Variants in ADAMDEC1 observed in about 807,000 individuals in gnomAD.
The protein encoded by ADAMDEC1 is ADAM DEC1.
ADAMDEC1 carries 62 observed loss-of-function variants against 60.4 expected under a neutral mutation model. That is an observed-to-expected ratio of 1.03 (90% confidence interval 0.84 to 1.27). The LOEUF is 1.27. Ranked by LOEUF, ADAMDEC1 falls within the 50% of genes most tolerant of loss-of-function variation. ADAMDEC1 has a pLI of 0.00. For missense variants in ADAMDEC1, 595 were observed against 565.0 expected (o/e 1.05, Z -0.54); for synonymous variants, 210 against 195.1 (o/e 1.08, Z -0.64).
At chr8:24,402,412 C>A (rs1391992269) in intron 12 of ADAMDEC1, among the ~76,000 whole-genome samples, 2 of 152,044 alleles carry the variant, frequency 1.3e-5, no homozygotes, top group African/African-American at 4.8e-5. Context: ...ATCTGTTGAA[C>A]AGTAACAATT....
intron 1 of ADAMDEC1, among the ~76,000 whole-genome samples, chr8:24,389,364 A>G (rs1257641088): frequency 6.6e-6 from 1 of 152,008 alleles, no homozygotes; most frequent in African/African-American, 2.4e-5. Context: ...CCAATCCTTC[A>G]CCAATTCTAT....
At chr8:24,396,733 T>G (rs200059867) in intron 5 of ADAMDEC1, among the ~76,000 whole-genome samples, 3 of 152,332 alleles carry the variant, frequency 2.0e-5, no homozygotes, top group East Asian at 3.9e-4. Flanking sequence ...TTCAGGGATA[T>G]AATTTTGAAC....
chr8:24,400,887 T>A (rs2129362069), intron 11 of ADAMDEC1, among the ~76,000 whole-genome samples: 1 of 149,744 alleles, frequency 6.7e-6, no homozygotes, highest in South Asian at 2.1e-4. Context: ...AAATGCGGTG[T>A]TTGGTTTTTT....
chr8:24,397,941 A>C (rs534697578), intron 7 of ADAMDEC1, among the ~76,000 whole-genome samples, 196 bp downstream of exon 7: 3 of 151,850 alleles, frequency 2.0e-5, no homozygotes, highest in Admixed American at 1.3e-4. Context: ...CAAAATATTT[A>C]GTATTGGCAA....
At position 24,398,567 on chromosome 8, in the gene ADAMDEC1, T is replaced by G; in HGVS notation, c.762+16T>G. ...ACTCAATGTGGTAAGACATTAGTCA[T>G]GTAAACCTCATGTTTCTGCATAGGG... On this transcript the variant is annotated intron_variant, in intron 8 of 13. Coordinates refer to ENST00000256412, the MANE Select transcript of ADAMDEC1 (RefSeq NM_014479.3). The G allele has an allele frequency of 6.4e-7, 1 of 1,559,456 alleles. No homozygotes were observed. Among genetic ancestry groups the G allele is most frequent in the East Asian group, 2.2e-5 (1 of 44,500 alleles).
Position 24,400,188 on chromosome 8 carries a change from G to T in ADAMDEC1, c.1030G>T (p.Val344Leu), listed in dbSNP as rs1357806356. The T allele has an allele frequency of 6.3e-7, 1 of 1,588,490 alleles. No individual in the cohort carries two copies. Among genetic ancestry groups the T allele is most frequent in the Non-Finnish European group, 8.5e-7 (1 of 1,171,096 alleles). The change falls in exon 11 of 14, where the codon GTG becomes TTG. Residue 344 changes from valine (V) to leucine (L), a missense_variant. Coordinates refer to ENST00000256412, the MANE Select transcript of ADAMDEC1 (RefSeq NM_014479.3). ...TTTCCAGGCTAAAAAAAAGAATAAT[G>T]TGGCTCTTGTAGGAGTGATGTCACA... The part of the protein sequence containing the change: ...AVIEAKKKNN[V>L]ALVGVMSHEL...
At chr8:24,397,591 C>T in intron 6 of ADAMDEC1, 92 bp from the exon 7 acceptor site, 1 of 1,458,724 alleles carries the variant, frequency 6.9e-7, no homozygotes. Flanking sequence ...TTCTATTTAT[C>T]TTCTATTTTA....
chr8:24,400,587 A>G (rs1817737904), intron 11 of ADAMDEC1, among the ~76,000 whole-genome samples: 1 of 151,788 alleles, frequency 6.6e-6, no homozygotes, highest in African/African-American at 2.4e-5. Flanking sequence ...GTGCTATTTT[A>G]CAAGTAAATT....
chr8:24,399,566 T>G (rs1401032364), intron 10 of ADAMDEC1, 92 bp downstream of exon 10: 4 of 1,073,576 alleles, frequency 3.7e-6, no homozygotes, highest in Non-Finnish European at 5.8e-6. Flanking sequence ...AATGAACATT[T>G]GCTGAATCAA....
In ADAMDEC1 at chr8:24,398,965, C is replaced by T; in HGVS notation, c.854C>T (p.Thr285Ile). 6.2e-7 allele frequency: 1 copy of T among 1,613,812 alleles called. No individual in the cohort carries two copies. The highest frequency in any genetic ancestry group is 8.5e-7 in the Non-Finnish European group (1 of 1,179,866). ...ATAAAGGTGGTGCCCAGCGCAAGCA[C>T]CACGTTTGACAACTTCCTGAGATGG... ...DKIKVVPSAS[T>I]TFDNFLRWHS... is the part of the protein sequence containing the mutation. Residue 285 changes from threonine (T) to isoleucine (I), a missense_variant, in exon 9 of 14, where the codon ACC (threonine) becomes ATC (isoleucine). Thr to Ile is a moderately conservative substitution (Grantham distance 89). Coordinates refer to ENST00000256412, the MANE Select transcript of ADAMDEC1 (RefSeq NM_014479.3).
intron 1 of ADAMDEC1, among the ~76,000 whole-genome samples, chr8:24,388,991 G>C (rs1817368877): frequency 6.6e-6 from 1 of 152,138 alleles, no homozygotes; most frequent in African/African-American, 2.4e-5. Flanking sequence ...TGTAGGTGAG[G>C]GGTGGTTCAG....
intron 1 of ADAMDEC1, among the ~76,000 whole-genome samples, chr8:24,389,703 A>G (rs113332649): frequency 0.02 from 3,091 of 151,992 alleles, 55 homozygotes; most frequent in Middle Eastern, 0.082. Context: ...TCTATTATTC[A>G]CTCTTCTCAT....
chr8:24,398,237 T>C (rs982166529), intron 7 of ADAMDEC1, among the ~76,000 whole-genome samples: 1 of 152,004 alleles, frequency 6.6e-6, no homozygotes, highest in South Asian at 2.1e-4. Context: ...GTTAATTTGA[T>C]GTATTCAACT....
rs1359549029 is a variant in ADAMDEC1, at chr8:24,397,383, A to G, written c.554A>G (p.His185Arg). The change falls in exon 6 of 14, where the codon CAC becomes CGC. Residue 185 changes from histidine to arginine, a missense_variant. His to Arg is a conservative substitution (Grantham distance 29). Transcript: ENST00000256412. ...CAGGAGGAACAAGACCCAGCTAACC[A>G]CACATGTGGTGTGAAGAGCACTGAC... is the stretch of plus-strand genomic sequence containing the variant. ...SNQEEQDPAN[H>R]TCGVKSTDGK... is the part of the protein sequence containing the mutation. 21 of 1,613,976 alleles carry G rather than the reference A, an allele frequency of 1.3e-5. No homozygotes were observed. The African/African-American group carries it at 2.0e-4, about 15-fold the overall frequency.
chr8:24,386,643 A>G (rs2129356345), intron 1 of ADAMDEC1, among the ~76,000 whole-genome samples: 1 of 152,326 alleles, frequency 6.6e-6, no homozygotes, highest in East Asian at 1.9e-4. Context: ...TCATACAAGG[A>G]CATTGACCTA....
In ADAMDEC1 at chr8:24,392,265, T is replaced by A. The variant is rs775847598; in HGVS notation, c.92T>A (p.Ile31Lys). The change falls in exon 2 of 14, where the codon ATA (isoleucine) becomes AAA (lysine). Residue 31 changes from isoleucine to lysine, a missense_variant. Ile to Lys is a moderately radical substitution (Grantham distance 102). Coordinates refer to ENST00000256412, the MANE Select transcript of ADAMDEC1 (RefSeq NM_014479.3). ...VLWLIVQTQAIAIKQTPELTL... is the reference protein window; with the variant it reads ...VLWLIVQTQAKAIKQTPELTL... The stretch of plus-strand genomic sequence containing the variant: ...AATATTATTTCTCTTTCTCTAGCAA[T>A]AGCCATAAAGCAAACACCTGAATTA... The A allele has an allele frequency of 3.1e-6, 5 of 1,596,336 alleles. No homozygotes were observed. In the South Asian group the frequency reaches 5.7e-5, roughly 18 times the overall value.
intron 8 of ADAMDEC1, 48 bp from the exon 9 acceptor site, chr8:24,398,826 C>T (rs761162394): frequency 6.3e-5 from 100 of 1,579,886 alleles, no homozygotes; most frequent in Middle Eastern, 1.7e-4. Context: ...CTCTCAGACA[C>T]GAAAGGAATC....
chr8:24,393,524 G>A (rs537047031), intron 3 of ADAMDEC1, among the ~76,000 whole-genome samples, 186 bp downstream of exon 3: 14 of 152,246 alleles, frequency 9.2e-5, no homozygotes, highest in African/African-American at 3.4e-4. Context: ...TAAAACAAAA[G>A]GAATGGCATA....
chr8:24,398,636 T>C, intron 8 of ADAMDEC1, 85 bp downstream of exon 8: 1 of 1,107,654 alleles, frequency 9.0e-7, no homozygotes, highest in African/African-American at 1.6e-5. Flanking sequence ...AACAAGAAGT[T>C]AAAAAGATCC....
Sources: gnomAD v4.1 joint callset for allele counts (sites outside exome capture counted in the v4.1 genomes callset) on GRCh38, gnomAD v4.1.1 for gene constraint, MANE v1.5 for transcripts, NCBI Gene and HGNC (gene_info 2026-07-23, HGNC 2026-07-21) for gene names.